Variants in ZZZ3 observed in about 807,000 individuals in gnomAD.
ZZZ3 encodes the protein ZZ-type zinc finger-containing protein 3.
Under a neutral mutation model 95.2 loss-of-function variants are expected in ZZZ3, and 22 were observed. That is an observed-to-expected ratio of 0.23 (90% confidence interval 0.17 to 0.33). The LOEUF (loss-of-function observed/expected upper bound fraction) is 0.33. Among genes scored for constraint, ZZZ3 ranks in the 10% least tolerant of loss-of-function variants. ZZZ3 has a pLI of 1.00. For synonymous variants in ZZZ3, 335 were observed against 358.9 expected (o/e 0.93, Z 0.75); for missense variants, 885 against 1,066.5 (o/e 0.83, Z 2.37).
Position 77,592,679 on chromosome 1 carries a change from T to C in ZZZ3, c.1506-8024A>G, listed in dbSNP as rs542440787. 1.3e-4 allele frequency among the ~76,000 whole-genome samples: 20 copies of C among 152,234 alleles called. 1 individual carries two copies. The East Asian group carries it at 2.9e-3, about 22-fold the overall frequency. On this transcript the variant is annotated intron_variant, in intron 5 of 14. Transcript: ENST00000370801. ...AGAATAAAAGCTGAGCTCAAAAATA[T>C]TTATGAGGTATAGGAAACTACAAAA...
chr1:77,584,387 T>C, intron 6 of ZZZ3, 130 bp downstream of exon 6: 1 of 818,730 alleles, frequency 1.2e-6, no homozygotes, highest in Non-Finnish European at 1.7e-6. Context: ...CCTTAAGTAG[T>C]ACGGCTAATT....
At chr1:77,604,374 G>A (rs1665026943) in intron 5 of ZZZ3, among the ~76,000 whole-genome samples, 1 of 152,144 alleles carries the variant, frequency 6.6e-6, no homozygotes, top group South Asian at 2.1e-4. Context: ...TAGTAATAGA[G>A]AACAAACTGC....
intron 1 of ZZZ3, among the ~76,000 whole-genome samples, chr1:77,644,120 C>A (rs1669039090): frequency 6.6e-6 from 1 of 151,480 alleles, no homozygotes. Context: ...GGCTGGAGTG[C>A]AACGGTGCGA....
intron 1 of ZZZ3, among the ~76,000 whole-genome samples, chr1:77,656,033 T>C (rs1570624006): frequency 6.6e-6 from 1 of 152,220 alleles, no homozygotes; most frequent in Admixed American, 6.5e-5. Flanking sequence ...TCAATGGACA[T>C]TCATAAATGA....
intron 12 of ZZZ3, among the ~76,000 whole-genome samples, chr1:77,573,493 A>T (rs1288340157): frequency 1.3e-5 from 2 of 152,200 alleles, no homozygotes; most frequent in Non-Finnish European, 2.9e-5. Flanking sequence ...ACGAAAATTT[A>T]TGAGCACAAA....
At chr1:77,623,492 A>G (rs1448414347) in intron 5 of ZZZ3, among the ~76,000 whole-genome samples, 1 of 152,232 alleles carries the variant, frequency 6.6e-6, no homozygotes, top group East Asian at 1.9e-4. Flanking sequence ...ATAGTAAATT[A>G]CCTCTTTAAA....
chr1:77,607,467 A>T (rs1665353660), intron 5 of ZZZ3, among the ~76,000 whole-genome samples: 1 of 152,218 alleles, frequency 6.6e-6, no homozygotes. Flanking sequence ...AAGAATTCAA[A>T]ACTCTATCAG....
chr1:77,605,358 A>G (rs900520952), intron 5 of ZZZ3, among the ~76,000 whole-genome samples: 1 of 152,216 alleles, frequency 6.6e-6, no homozygotes, highest in Non-Finnish European at 1.5e-5. Context: ...ATTCAGTTCC[A>G]GCAACCCTGG....
chr1:77,602,993 T>A (rs1664886665), intron 5 of ZZZ3, among the ~76,000 whole-genome samples: 1 of 151,884 alleles, frequency 6.6e-6, no homozygotes, highest in South Asian at 2.1e-4. Context: ...GACCTATGAC[T>A]CTGAACTTAA....
chr1:77,679,674 T>A (rs540317328), intron 1 of ZZZ3, among the ~76,000 whole-genome samples: 53 of 152,330 alleles, frequency 3.5e-4, no homozygotes, highest in African/African-American at 1.3e-3. Flanking sequence ...TCAGTATTAT[T>A]ATATTATCAC....
Position 77,563,780 on chromosome 1 carries a change from A to G in ZZZ3, c.*1860T>C, listed in dbSNP as rs1660607038. On this transcript the variant is annotated 3_prime_UTR_variant, in exon 15 of 15. Transcript: ENST00000370801. ...CAGAATGCTAATGATTCCCCTCTTC[A>G]CCCACTAATAATTCCAGGGTGAGAA... The G allele has an allele frequency of 6.6e-6, 1 of 152,114 alleles. No homozygotes were observed. The highest frequency in any genetic ancestry group is 2.1e-4 in the South Asian group (1 of 4,832). 9.4% of individuals were successfully genotyped at this position (152,114 alleles called of 1,614,324 possible).
rs994680037 is a variant in ZZZ3, at chr1:77,676,329, G to A, written c.-403+6256C>T. Among the ~76,000 whole-genome samples the A allele has an allele frequency of 3.9e-5, 6 of 152,208 alleles. No homozygotes were observed. In the East Asian group the frequency reaches 9.6e-4, roughly 24 times the overall value. On this transcript the variant is annotated intron_variant, in intron 1 of 14. Transcript: ENST00000370801. ...GTACAGGCGCACGCCACCACACCAG[G>A]CTAATTTTGTGTATTTTTTGTAGAG... is the stretch of plus-strand genomic sequence containing the variant.
chr1:77,659,532 C>T (rs1381979461), intron 1 of ZZZ3, among the ~76,000 whole-genome samples: 1 of 151,196 alleles, frequency 6.6e-6, no homozygotes, highest in African/African-American at 2.4e-5. Context: ...ATTAAAAATA[C>T]AAAAATTAGC....
At chr1:77,659,696 A>C (rs1194930234) in intron 1 of ZZZ3, among the ~76,000 whole-genome samples, 1 of 151,818 alleles carries the variant, frequency 6.6e-6, no homozygotes, top group Non-Finnish European at 1.5e-5. Flanking sequence ...AAAAAAAAAA[A>C]AAAAGAAAAA....
intron 13 of ZZZ3, 24 bp from the exon 14 acceptor site, chr1:77,566,205 T>A: frequency 1.3e-6 from 2 of 1,524,734 alleles, no homozygotes; most frequent in Non-Finnish European, 1.8e-6. Flanking sequence ...AGAGAGAAAA[T>A]GTATTAAGTT....
chr1:77,589,826 G>A (rs1184948335), intron 5 of ZZZ3, among the ~76,000 whole-genome samples: 1 of 152,112 alleles, frequency 6.6e-6, no homozygotes, highest in African/African-American at 2.4e-5. Flanking sequence ...AGGGAGGGAT[G>A]GAAGGAAGGC....
At chr1:77,657,612 G>T (rs1040482651) in intron 1 of ZZZ3, among the ~76,000 whole-genome samples, 1 of 152,134 alleles carries the variant, frequency 6.6e-6, no homozygotes, top group African/African-American at 2.4e-5. Flanking sequence ...TGATTTGGGG[G>T]TTACAAATAA....
chr1:77,609,970 A>T (rs977277212), intron 5 of ZZZ3, among the ~76,000 whole-genome samples: 1 of 151,988 alleles, frequency 6.6e-6, no homozygotes, highest in Non-Finnish European at 1.5e-5. Context: ...AATGCATCTT[A>T]AAGCAAGAGC....
intron 5 of ZZZ3, among the ~76,000 whole-genome samples, chr1:77,630,451 T>G (rs775475069): frequency 1.3e-5 from 2 of 152,054 alleles, no homozygotes; most frequent in Non-Finnish European, 2.9e-5. Context: ...TACTCAAGCC[T>G]GGGCAACAAG....
Sources: gnomAD v4.1 joint callset for allele counts (sites outside exome capture counted in the v4.1 genomes callset) on GRCh38, gnomAD v4.1.1 for gene constraint, MANE v1.5 for transcripts, NCBI Gene and HGNC (gene_info 2026-07-23, HGNC 2026-07-21) for gene names.